The following PCDHGB1 variants were observed in gnomAD, a reference collection of about 807,000 sequenced individuals.
PCDHGB1 encodes the protein protocadherin gamma-B1.
In PCDHGB1, 34 loss-of-function variants were observed where a neutral mutation model predicts 56.6. That is an observed-to-expected ratio of 0.60 (90% confidence interval 0.46 to 0.80). The LOEUF (loss-of-function observed/expected upper bound fraction) is 0.80, where lower values mean the gene tolerates loss of function less well. Among genes scored for constraint, PCDHGB1 ranks in the 30% least tolerant of loss-of-function variants. The pLI is 0.00. For synonymous variants in PCDHGB1, 561 were observed against 505.9 expected, an observed-to-expected ratio of 1.11 and a Z score of -1.46; for missense variants, 1,278 against 1,204.6, an observed-to-expected ratio of 1.06 and a Z score of -0.90.
intron 1 of PCDHGB1, among the ~76,000 whole-genome samples, chr5:141,484,319 C>T (rs1191113560): frequency 6.6e-6 from 1 of 152,212 alleles, no homozygotes; most frequent in Non-Finnish European, 1.5e-5. Context: ...CGCTTCCATA[C>T]TGTCCTTGAA....
intron 1 of PCDHGB1, among the ~76,000 whole-genome samples, chr5:141,429,535 T>TG (rs1278730394): frequency 2.0e-5 from 3 of 152,168 alleles, no homozygotes; most frequent in Non-Finnish European, 4.4e-5. Flanking sequence ...CTTAAAAAAA[T>TG]AAGAACATGG....
At chr5:141,403,491 T>A in intron 1 of PCDHGB1, 1 of 1,614,010 alleles carries the variant, frequency 6.2e-7, no homozygotes, top group South Asian at 1.1e-5. Context: ...CACTTCTCCC[T>A]GAACGTGCAG....
intron 1 of PCDHGB1, chr5:141,475,814 TC>T: frequency 3.0e-6 from 1 of 338,520 alleles, no homozygotes; most frequent in Non-Finnish European, 5.4e-6. Flanking sequence ...AAAGTGAAGT[TC>T]CTGGCGCTAG....
chr5:141,477,315 C>G lies in PCDHGB1; in HGVS notation c.2410-17492C>G. 2 of 1,614,188 alleles carry G rather than the reference C, an allele frequency of 1.2e-6. No individual in the cohort carries two copies. Among genetic ancestry groups the G allele is most frequent in the African/African-American group, 2.7e-5 (2 of 75,042 alleles). On this transcript the variant is annotated intron_variant, in intron 1 of 3. Coordinates refer to ENST00000523390, the MANE Select transcript of PCDHGB1 (RefSeq NM_018922.3). The surrounding 1 kb of genome is among the most constrained non-coding windows in gnomAD (Gnocchi z 4.9). ...CCACCGGGTCTCCCTTTCAGCCTTA[C>G]TTCTTCCCTCAAGAATTACTTCACT...
chr5:141,383,480 T>C, intron 1 of PCDHGB1: 2 of 1,613,740 alleles, frequency 1.2e-6, no homozygotes, highest in Non-Finnish European at 1.7e-6. Context: ...TACCCGGAAC[T>C]GGTGCTGGAG....
chr5:141,395,542 TTGTGTGTGTGTGTGTGTGTGTGTGTG>T lies in PCDHGB1; in HGVS notation c.2409+42897_2409+42922del, dbSNP rs55729045. 7.0e-5 allele frequency: 12 copies of T among 172,630 alleles called. No homozygotes were observed. In the South Asian group the frequency reaches 8.7e-4, roughly 12 times the overall value. 10.7% of individuals were successfully genotyped at this position (172,630 alleles called of 1,614,324 possible). ...TCCATACTGGTAATTTTGCTATTGTTTGTGTGTGTGTGTGTGTGTGTGTGTGTGTGTGTGTGTGTGTGTGTGTGTAT... is the reference window on the plus strand; with the variant it reads ...TCCATACTGGTAATTTTGCTATTGTTTGTGTGTGTGTGTGTGTGTGTGTAT... On this transcript the variant is annotated intron_variant, in intron 1 of 3. Coordinates refer to ENST00000523390, the MANE Select transcript of PCDHGB1 (RefSeq NM_018922.3).
At chr5:141,467,571 A>G (rs1228156610) in intron 1 of PCDHGB1, among the ~76,000 whole-genome samples, 1 of 152,212 alleles carries the variant, frequency 6.6e-6, no homozygotes, top group South Asian at 2.1e-4. Flanking sequence ...ATGGCTATCC[A>G]GTTGTCCCAA....
intron 1 of PCDHGB1, chr5:141,410,443 T>A (rs1207487083): frequency 6.2e-7 from 1 of 1,613,926 alleles, no homozygotes; most frequent in Non-Finnish European, 8.5e-7. Context: ...GTGAGGGGAC[T>A]TTGCCTTATT....
intron 1 of PCDHGB1, among the ~76,000 whole-genome samples, chr5:141,488,741 C>A (rs2099678972): frequency 1.3e-5 from 2 of 152,310 alleles, no homozygotes; most frequent in South Asian, 4.1e-4. Context: ...TGAAGTCATG[C>A]AGGAAGTTGC....
chr5:141,393,623 T>A (rs1446921809), intron 1 of PCDHGB1: 2 of 1,613,916 alleles, frequency 1.2e-6, no homozygotes, highest in African/African-American at 2.7e-5. Flanking sequence ...GCGACCCGGA[T>A]GAGGGAATCA....
At chr5:141,473,168 A>G (rs1026233643) in intron 1 of PCDHGB1, among the ~76,000 whole-genome samples, 2 of 152,218 alleles carry the variant, frequency 1.3e-5, no homozygotes, top group Admixed American at 1.3e-4. Context: ...AGGAAGGCCC[A>G]CTGGTAACTT....
chr5:141,370,407 T>C lies in PCDHGB1; in HGVS notation c.2409+17738T>C. 4 of 1,561,028 alleles carry C rather than the reference T, an allele frequency of 2.6e-6. No individual in the cohort carries two copies. The Admixed American group carries it at 5.9e-5, about 23-fold the overall frequency. ...CGCAGAGAGCGGGATGGGAAATAGCTCCGGATGGAGGGGCCCAGCAGGGCA... is the reference window on the plus strand; with the variant it reads ...CGCAGAGAGCGGGATGGGAAATAGCCCCGGATGGAGGGGCCCAGCAGGGCA... On this transcript the variant is annotated intron_variant, in intron 1 of 3. Transcript: ENST00000523390.
chr5:141,423,149 A>G (rs763488632), intron 1 of PCDHGB1: 2 of 1,613,554 alleles, frequency 1.2e-6, no homozygotes, highest in Non-Finnish European at 8.5e-7. Context: ...GCGCTCAAGC[A>G]GAGCCTCGTG....
chr5:141,387,136 T>G (rs985189189), intron 1 of PCDHGB1, among the ~76,000 whole-genome samples: 1 of 152,210 alleles, frequency 6.6e-6, no homozygotes, highest in Non-Finnish European at 1.5e-5. Context: ...CTGAAACTAT[T>G]GGGAAGGGGG....
At chr5:141,456,968 AAAAC>A (rs202005606) in intron 1 of PCDHGB1, among the ~76,000 whole-genome samples, 2,421 of 152,270 alleles carry the variant, frequency 0.016, 37 homozygotes, top group Non-Finnish European at 0.025. Context: ...ATCTCAAAAC[AAAAC>A]AAACAAACAA....
intron 1 of PCDHGB1, chr5:141,408,916 C>T (rs1379557230): frequency 6.8e-6 from 11 of 1,613,024 alleles, no homozygotes; most frequent in African/African-American, 2.7e-5. Flanking sequence ...CCAATGATAA[C>T]CCCCCGGTTT....
chr5:141,441,442 C>G (rs938839707), intron 1 of PCDHGB1: 1 of 160,500 alleles, frequency 6.2e-6, no homozygotes, highest in African/African-American at 2.4e-5. Context: ...CTCGTCCAGC[C>G]CAAGCATCAC....
In PCDHGB1 at chr5:141,490,309, A is replaced by G. The variant is rs1485303337; in HGVS notation, c.2410-4498A>G. On this transcript the variant is annotated intron_variant, in intron 1 of 3. Transcript: ENST00000523390. The surrounding 1 kb of genome is among the most constrained non-coding windows in gnomAD (Gnocchi z 5.4). ...AGAGGTGCTATTGGCCTCTTTGGCCAACCCTGTCCTAGAGAGCACACCAGT... is the reference window on the plus strand; with the variant it reads ...AGAGGTGCTATTGGCCTCTTTGGCCGACCCTGTCCTAGAGAGCACACCAGT... The G allele has an allele frequency of 2.8e-5, 46 of 1,614,126 alleles. No homozygotes were observed. Among genetic ancestry groups the G allele is most frequent in the Non-Finnish European group, 3.8e-5 (45 of 1,180,056 alleles).
chr5:141,499,616 C>T (rs538268323), intron 2 of PCDHGB1, among the ~76,000 whole-genome samples: 2 of 152,058 alleles, frequency 1.3e-5, no homozygotes, highest in South Asian at 4.2e-4. Context: ...CTTATCCTGT[C>T]CTTGGATTCT....
Sources: gnomAD v4.1 joint callset for allele counts (sites outside exome capture counted in the v4.1 genomes callset) on GRCh38, gnomAD v4.1.1 for gene constraint, Gnocchi (gnomAD v3.1) non-coding constraint, MANE v1.5 for transcripts, NCBI Gene and HGNC (gene_info 2026-07-23, HGNC 2026-07-21) for gene names.